SERPINE2: variants seen among roughly 807,000 people sequenced by gnomAD.
The protein encoded by SERPINE2 is serpin family E member 2.
In SERPINE2, 14 loss-of-function variants were observed where a neutral mutation model predicts 36.3. That is an observed-to-expected ratio of 0.39 (90% CI 0.25 to 0.60). SERPINE2 has a LOEUF of 0.60. SERPINE2 is among the 20% of genes least tolerant of loss of function. The probability of loss-of-function intolerance (pLI) is 0.57; values close to 1 mark genes in which losing one functional copy is unlikely to be tolerated. For missense variants in SERPINE2, 418 were observed against 499.6 expected, an observed-to-expected ratio of 0.84 and a Z score of 1.56; for synonymous variants, 192 against 191.8, an observed-to-expected ratio of 1.00 and a Z score of -0.01.
chr2:224,011,908 A>G (rs1248815700), intron 1 of SERPINE2, among the ~76,000 whole-genome samples: 2 of 152,244 alleles, frequency 1.3e-5, no homozygotes, highest in East Asian at 3.8e-4. Flanking sequence ...GTGACCTTTT[A>G]CCAGCTTTGT....
chr2:224,036,082 G>GT (rs1305364263), intron 1 of SERPINE2, among the ~76,000 whole-genome samples: 2 of 152,114 alleles, frequency 1.3e-5, no homozygotes, highest in Non-Finnish European at 2.9e-5. Context: ...ATTTTGGGGT[G>GT]TTTTTTTGGC....
In SERPINE2 at chr2:224,031,574, T is replaced by C. The variant is rs535806123; in HGVS notation, c.-23+7525A>G. ...GGGCATGTGACCACGTGACCTAGCATCAGCCAATCACAGGACCTCACTCCT... is the reference window on the plus strand; with the variant it reads ...GGGCATGTGACCACGTGACCTAGCACCAGCCAATCACAGGACCTCACTCCT... On this transcript the variant is annotated intron_variant, in intron 1 of 8. Coordinates refer to ENST00000409304, the MANE Select transcript of SERPINE2 (RefSeq NM_001136528.2). 5.7e-6 allele frequency: 5 copies of C among 883,634 alleles called. No individual in the cohort carries two copies. The African/African-American group carries it at 9.0e-5, about 16-fold the overall frequency. 54.7% of individuals were successfully genotyped at this position (883,634 alleles called of 1,614,324 possible).
chr2:224,032,810 C>A (rs774718051), intron 1 of SERPINE2, among the ~76,000 whole-genome samples: 2 of 152,160 alleles, frequency 1.3e-5, no homozygotes, highest in African/African-American at 4.8e-5. Flanking sequence ...CCAAAACATA[C>A]GAGTGGAATT....
At position 223,984,844 on chromosome 2, in the gene SERPINE2, C is replaced by T. The variant is rs1288897051; in HGVS notation, c.792G>A (p.Pro264=). ...LIALPTESST[P]LSAIIPHIST... Reference sequence around the variant, plus strand: ...TGATGTGTGGGATGATGGCAGACAGCGGAGTGGAGCTCTCAGTCGGCAGTG... The same window carrying T: ...TGATGTGTGGGATGATGGCAGACAGTGGAGTGGAGCTCTCAGTCGGCAGTG... The change falls in exon 5 of 9, where the codon CCG becomes CCA. Residue 264 remains proline, a synonymous_variant. Transcript: ENST00000409304. 24 of 1,614,116 alleles carry T rather than the reference C, an allele frequency of 1.5e-5. No individual in the cohort carries two copies. The highest frequency in any genetic ancestry group is 5.0e-5 in the Admixed American group (3 of 60,014).
chr2:224,035,535 A>T (rs1045093013), intron 1 of SERPINE2, among the ~76,000 whole-genome samples: 2 of 151,944 alleles, frequency 1.3e-5, no homozygotes, highest in African/African-American at 2.4e-5. Context: ...GGCGCAGCTA[A>T]TTTTTGTATT....
At position 224,039,226 on chromosome 2, in the gene SERPINE2, G is replaced by C. The variant is rs1323319790; in HGVS notation, c.-150C>G. On this transcript the variant is annotated 5_prime_UTR_variant, in exon 1 of 9. Coordinates refer to ENST00000409304, the MANE Select transcript of SERPINE2 (RefSeq NM_001136528.2). This position sits in a 1 kb window ranked among gnomAD's most constrained non-coding sequence, Gnocchi z 5.2. ...AGCGGCGGCGGCGAGGAGGGTCACA[G>C]CCGGAAAGAGGCAGCGGTGGCGCCT... 4 of 150,960 alleles carry C rather than the reference G, an allele frequency of 2.6e-5. No homozygotes were observed. The highest frequency in any genetic ancestry group is 4.4e-5 in the Non-Finnish European group (3 of 67,658). The allele number at this position is 150,960 out of a possible 1,614,324, so 9.4% of individuals were successfully genotyped here. A position where few individuals can be genotyped will look rare whatever the true frequency, so the allele number is the denominator to read the frequency against.
intron 1 of SERPINE2, among the ~76,000 whole-genome samples, chr2:224,037,754 T>A (rs981853755): frequency 6.6e-6 from 1 of 152,336 alleles, no homozygotes; most frequent in Middle Eastern, 3.4e-3. Flanking sequence ...ACAGTACTTT[T>A]AAAATTAAAC....
At chr2:223,993,578 A>C (rs866322337) in intron 3 of SERPINE2, among the ~76,000 whole-genome samples, 1 of 150,414 alleles carries the variant, frequency 6.6e-6, no homozygotes, top group African/African-American at 2.5e-5. Context: ...ATGTGTATAA[A>C]TACATAATAT....
chr2:224,010,416 A>G, intron 1 of SERPINE2: 1 of 966,492 alleles, frequency 1.0e-6, no homozygotes, highest in South Asian at 4.8e-5. Flanking sequence ...ATTTTATTAT[A>G]AAGTACACTC....
chr2:224,026,178 G>C (rs1692174804), intron 1 of SERPINE2, among the ~76,000 whole-genome samples: 1 of 152,222 alleles, frequency 6.6e-6, no homozygotes, highest in Non-Finnish European at 1.5e-5. Context: ...ACCACAGACA[G>C]GAAGAGGCTG....
intron 1 of SERPINE2, among the ~76,000 whole-genome samples, chr2:224,012,794 G>T (rs7602990): frequency 0.93 from 141,082 of 152,206 alleles, 65,901 homozygotes; most frequent in Non-Finnish European, 0.99. Context: ...ATCAGGAACT[G>T]AGACTCTGGA....
intron 1 of SERPINE2, among the ~76,000 whole-genome samples, chr2:224,027,305 G>A (rs1692219021): frequency 1.3e-5 from 2 of 152,302 alleles, no homozygotes; most frequent in South Asian, 4.1e-4. Context: ...CCTCTCACGT[G>A]GTGAGGCAAT....
chr2:224,005,084 T>TATATA (rs1691368274), intron 1 of SERPINE2, among the ~76,000 whole-genome samples: 1 of 98,490 alleles, frequency 1.0e-5, no homozygotes, highest in African/African-American at 3.3e-5. Flanking sequence ...TATATATATA[T>TATATA]ATATATATAT....
intron 1 of SERPINE2, among the ~76,000 whole-genome samples, chr2:224,037,695 T>C (rs982415667): frequency 2.0e-5 from 3 of 152,236 alleles, no homozygotes; most frequent in African/African-American, 7.2e-5. Context: ...AATCTCTGAC[T>C]GGTATTTAAT....
intron 3 of SERPINE2, among the ~76,000 whole-genome samples, chr2:223,994,891 C>G (rs751697854): frequency 6.6e-6 from 1 of 152,148 alleles, no homozygotes; most frequent in Non-Finnish European, 1.5e-5. Context: ...ATTTTACAGA[C>G]GAGAATGCTG....
intron 1 of SERPINE2, among the ~76,000 whole-genome samples, chr2:224,005,064 A>ATTATATATATTT: frequency 1.1e-5 from 1 of 89,820 alleles, no homozygotes; most frequent in South Asian, 2.7e-4. Flanking sequence ...TTTTATATAT[A>ATTATATATATTT]TTATATATAT....
chr2:224,016,502 G>A (rs1383530629), intron 1 of SERPINE2, among the ~76,000 whole-genome samples: 9 of 44,558 alleles, frequency 2.0e-4, no homozygotes, highest in East Asian at 1.5e-3. Context: ...GCGAAAGTCC[G>A]TCTCAAAAAA....
chr2:224,012,598 A>G (rs12694626), intron 1 of SERPINE2, among the ~76,000 whole-genome samples: 117,256 of 146,536 alleles, frequency 0.8, 48,065 homozygotes, highest in Non-Finnish European at 0.9. Flanking sequence ...GCGAGACTCC[A>G]TCCCAAAAAA....
At chr2:223,987,939 A>G (rs990915018) in intron 4 of SERPINE2, among the ~76,000 whole-genome samples, 1 of 152,246 alleles carries the variant, frequency 6.6e-6, no homozygotes, top group African/African-American at 2.4e-5. Flanking sequence ...GGATTTCCTG[A>G]GGACTTAAGA....
Sources: gnomAD v4.1 joint callset for allele counts (sites outside exome capture counted in the v4.1 genomes callset) on GRCh38, gnomAD v4.1.1 for gene constraint, Gnocchi (gnomAD v3.1) non-coding constraint, MANE v1.5 for transcripts, NCBI Gene and HGNC (gene_info 2026-07-23, HGNC 2026-07-21) for gene names.